ERGIC1: variants seen among roughly 807,000 people sequenced by gnomAD.
ERGIC1 encodes endoplasmic reticulum-Golgi intermediate compartment protein 1.
In ERGIC1, 19 loss-of-function variants were observed where a neutral mutation model predicts 38.3. The ratio of observed to expected loss-of-function variants is 0.50; its 90% CI spans 0.35 to 0.73. The LOEUF (loss-of-function observed/expected upper bound fraction) is 0.73, where lower values mean the gene tolerates loss of function less well. Ranked by LOEUF, ERGIC1 falls within the 30% of genes least tolerant of loss-of-function variation. The pLI, the probability that ERGIC1 is intolerant of heterozygous loss-of-function variation, is 0.01. For synonymous variants in ERGIC1, 124 were observed against 157.6 expected (o/e 0.79, Z 1.60); for missense variants, 294 against 389.2 (o/e 0.76, Z 2.06).
At chr5:172,867,356 G>T (rs1454053627) in intron 1 of ERGIC1, 3 of 422,282 alleles carry the variant, frequency 7.1e-6, no homozygotes, top group Admixed American at 5.0e-5. Context: ...GAGAGCACAG[G>T]AGTCCTTGCT....
intron 3 of ERGIC1, among the ~76,000 whole-genome samples, chr5:172,898,905 C>G (rs905552818): frequency 2.0e-5 from 3 of 152,178 alleles, no homozygotes; most frequent in African/African-American, 7.2e-5. Flanking sequence ...ATCACCCTAT[C>G]ATGAATCAGA....
Position 172,926,787 on chromosome 5 carries a change from G to A in ERGIC1, c.541+218G>A. 1 of 585,880 alleles carries A rather than the reference G, an allele frequency of 1.7e-6. No individual in the cohort carries two copies. The highest frequency in any genetic ancestry group is 2.8e-5 in the East Asian group (1 of 35,386). The allele number at this position is 585,880 out of a possible 1,614,324, so 36.3% of individuals were successfully genotyped here. A position where few individuals can be genotyped will look rare whatever the true frequency, so the allele number is the denominator to read the frequency against. ...GAGAAGGAAGAAGGCTTGTCCCGGG[G>A]CACAGCAGACGCACGCACGCAGTGG... On this transcript the variant is annotated intron_variant, in intron 7 of 9. Transcript: ENST00000393784. This position sits in a 1 kb window ranked among gnomAD's most constrained non-coding sequence, Gnocchi z 5.2.
At chr5:172,886,902 A>G (rs982821566) in intron 1 of ERGIC1, among the ~76,000 whole-genome samples, 1 of 152,134 alleles carries the variant, frequency 6.6e-6, no homozygotes, top group East Asian at 1.9e-4. Flanking sequence ...AAGGGATATG[A>G]GTAAATATGG....
At chr5:172,935,008 G>A (rs973292749) in intron 8 of ERGIC1, 180 bp from the exon 9 acceptor site, 22 of 843,222 alleles carry the variant, frequency 2.6e-5, no homozygotes, top group South Asian at 2.3e-4. Context: ...AGCTGTGCAC[G>A]GCAGAGTTCA....
rs76813339 is a variant in ERGIC1 at position 172,912,660 on chromosome 5, T to C, written c.251-2054T>C. ...CCTCAGCCTCCCAAAGTTCTGGGATTACAGGCGTGAGCCACCGCGCCCAGC... is the reference window on the plus strand; with the variant it reads ...CCTCAGCCTCCCAAAGTTCTGGGATCACAGGCGTGAGCCACCGCGCCCAGC... On this transcript the variant is annotated intron_variant, in intron 4 of 9. Coordinates refer to ENST00000393784, the MANE Select transcript of ERGIC1 (RefSeq NM_001031711.3). Among the ~76,000 whole-genome samples the C allele has an allele frequency of 9.7e-3, 1,472 of 152,340 alleles. 69 individuals carry two copies. The East Asian group carries it at 0.13, about 14-fold the overall frequency.
intron 1 of ERGIC1, among the ~76,000 whole-genome samples, chr5:172,848,516 A>G (rs191203393): frequency 4.9e-4 from 75 of 152,284 alleles, no homozygotes; most frequent in African/African-American, 1.7e-3. Flanking sequence ...TGACACCTAG[A>G]CAGGTCCTTC....
chr5:172,840,165 G>A (rs367672265), intron 1 of ERGIC1, among the ~76,000 whole-genome samples: 1,634 of 152,286 alleles, frequency 0.011, 17 homozygotes, highest in Non-Finnish European at 0.017. Flanking sequence ...ACGCTGACCA[G>A]TGGGGGTTTT....
chr5:172,938,471 G>A (rs1052787952), intron 9 of ERGIC1, among the ~76,000 whole-genome samples: 2 of 152,196 alleles, frequency 1.3e-5, no homozygotes, highest in Non-Finnish European at 2.9e-5. Flanking sequence ...ATTTGGCAAT[G>A]GCCGGGCACG....
chr5:172,859,021 A>G (rs1761629171), intron 1 of ERGIC1, among the ~76,000 whole-genome samples: 1 of 152,118 alleles, frequency 6.6e-6, no homozygotes, highest in South Asian at 2.1e-4. Context: ...ACTTACCTTC[A>G]TAGCTTCCTG....
At position 172,951,106 on chromosome 5, in the gene ERGIC1, T is replaced by C. The variant is rs1764220713; in HGVS notation, c.*290T>C. The C allele has an allele frequency of 3.3e-6, 1 of 299,128 alleles. No individual in the cohort carries two copies. Among genetic ancestry groups the C allele is most frequent in the African/African-American group, 2.2e-5 (1 of 46,126 alleles). The allele number at this position is 299,128 out of a possible 1,614,324, so 18.5% of individuals were successfully genotyped here. A position where few individuals can be genotyped will look rare whatever the true frequency, so the allele number is the denominator to read the frequency against. On this transcript the variant is annotated 3_prime_UTR_variant, in exon 10 of 10. Transcript: ENST00000393784. ...GTCCAGGGATCTTGGGGACCCCTCC[T>C]AGGAGAGCTGCAGTCTCTTCCCTCA... is the stretch of plus-strand genomic sequence containing the variant.
intron 2 of ERGIC1, among the ~76,000 whole-genome samples, chr5:172,890,558 A>G (rs1450003535): frequency 1.3e-5 from 2 of 152,212 alleles, no homozygotes; most frequent in African/African-American, 2.4e-5. Context: ...CTTTGCATCT[A>G]TGATTATTCT....
intron 9 of ERGIC1, among the ~76,000 whole-genome samples, chr5:172,950,414 C>T (rs191193614): frequency 3.6e-4 from 55 of 152,264 alleles, no homozygotes; most frequent in Non-Finnish European, 6.2e-4. Context: ...CAGTTTCCTC[C>T]GCTGTGAAAT....
In ERGIC1 at chr5:172,951,659, C is replaced by T. The variant is rs1764233098; in HGVS notation, c.*843C>T. ...AGATCTCCCACCACTCTGCTGGGAT[C>T]TGCAGTGGCAGGGAGTGGGGGTTGT... is the stretch of plus-strand genomic sequence containing the variant. On this transcript the variant is annotated 3_prime_UTR_variant, in exon 10 of 10. Coordinates refer to ENST00000393784, the MANE Select transcript of ERGIC1 (RefSeq NM_001031711.3). The T allele has an allele frequency of 6.6e-6, 1 of 152,356 alleles. No homozygotes were observed. The highest frequency in any genetic ancestry group is 2.4e-5 in the African/African-American group (1 of 41,452). The allele number at this position is 152,356 out of a possible 1,614,324, so 9.4% of individuals were successfully genotyped here.
intron 5 of ERGIC1, among the ~76,000 whole-genome samples, chr5:172,923,132 G>GGGA (rs547129291): frequency 1.1e-5 from 1 of 88,036 alleles, no homozygotes; most frequent in Non-Finnish European, 2.6e-5. Flanking sequence ...CTGAGCATCT[G>GGGA]GGAGGAGGAG....
intron 1 of ERGIC1, among the ~76,000 whole-genome samples, chr5:172,850,964 C>T (rs531624845): frequency 1.3e-3 from 191 of 152,202 alleles, no homozygotes; most frequent in Non-Finnish European, 2.3e-3. Flanking sequence ...CTTTGGGAGG[C>T]TGAGGTGAGC....
At chr5:172,898,106 G>C in intron 3 of ERGIC1, 1 of 389,560 alleles carries the variant, frequency 2.6e-6, no homozygotes, top group African/African-American at 2.1e-5. Context: ...AAGTCATCAC[G>C]GAGCTCGGCC....
intron 1 of ERGIC1, among the ~76,000 whole-genome samples, chr5:172,887,708 C>T (rs1762457264): frequency 1.3e-5 from 2 of 152,192 alleles, no homozygotes; most frequent in Admixed American, 6.5e-5. Context: ...TGGTGGGATC[C>T]ATAGGAAAGA....
intron 9 of ERGIC1, among the ~76,000 whole-genome samples, chr5:172,939,381 C>CG (rs372457604): frequency 1.1e-4 from 16 of 152,234 alleles, no homozygotes; most frequent in African/African-American, 3.9e-4. Flanking sequence ...AGGAAGGGCC[C>CG]GGGAAAGGGA....
chr5:172,852,759 G>GTT (rs1244561240), intron 1 of ERGIC1, among the ~76,000 whole-genome samples: 1 of 152,262 alleles, frequency 6.6e-6, no homozygotes, highest in East Asian at 1.9e-4. Flanking sequence ...CCTCCTGGGG[G>GTT]ACAGTAGAGT....
Sources: gnomAD v4.1 joint callset for allele counts (sites outside exome capture counted in the v4.1 genomes callset) on GRCh38, gnomAD v4.1.1 for gene constraint, Gnocchi (gnomAD v3.1) non-coding constraint, MANE v1.5 for transcripts, NCBI Gene and HGNC (gene_info 2026-07-23, HGNC 2026-07-21) for gene names.